Variants in EYS observed in about 807,000 individuals in gnomAD.
EYS encodes protein eyes shut homolog.
Under a neutral mutation model 282.1 loss-of-function variants are expected in EYS, and 250 were observed. That is an observed-to-expected ratio of 0.89 (90% confidence interval 0.80 to 0.98). The LOEUF (loss-of-function observed/expected upper bound fraction) is 0.98. Ranked by LOEUF, EYS falls within the 50% of genes least tolerant of loss-of-function variation. EYS has a pLI of 0.00. For synonymous variants in EYS, 1,355 were observed against 1,282.9 expected (o/e 1.06, Z -1.20); for missense variants, 4,016 against 3,709.0 (o/e 1.08, Z -2.15).
chr6:65,361,764 C>T (rs184734108), intron 8 of EYS, among the ~76,000 whole-genome samples: 21 of 152,208 alleles, frequency 1.4e-4, no homozygotes, highest in African/African-American at 4.1e-4. Context: ...TACAGGCATG[C>T]ACCACCATGC....
intron 2 of EYS, among the ~76,000 whole-genome samples, chr6:65,606,814 T>A (rs1765812204): frequency 6.6e-6 from 1 of 151,704 alleles, no homozygotes; most frequent in Non-Finnish European, 1.5e-5. Flanking sequence ...CAGACAGATA[T>A]AAGTAAAAAA....
rs376371827 is a variant in EYS, at chr6:65,444,518, G to T, written c.863-39151C>A. ...AGCGGAAAGGTCAGTCTTTGGAGAG[G>T]GTTGGATTGTAATCCTTTAAGGCAC... is the stretch of plus-strand genomic sequence containing the variant. On this transcript the variant is annotated intron_variant, in intron 5 of 42. Coordinates refer to ENST00000503581, the MANE Select transcript of EYS (RefSeq NM_001142800.2). Among the ~76,000 whole-genome samples, 118 of 152,118 alleles carry T rather than the reference G, an allele frequency of 7.8e-4. 1 individual carries two copies. The East Asian group carries it at 0.021, about 27-fold the overall frequency.
At chr6:64,155,564 G>A (rs746756556) in intron 31 of EYS, among the ~76,000 whole-genome samples, 2 of 152,062 alleles carry the variant, frequency 1.3e-5, no homozygotes, top group East Asian at 1.9e-4. Context: ...ACGTTGGTCT[G>A]ACAATATGTA....
chr6:64,274,481 G>GTTTTTTTTTT (rs10640761), intron 30 of EYS, among the ~76,000 whole-genome samples: 1,515 of 92,176 alleles, frequency 0.016, 159 homozygotes, highest in African/African-American at 0.069. Context: ...ACGCCTGGCC[G>GTTTTTTTTTT]TTTTTTTTTT....
intron 15 of EYS, among the ~76,000 whole-genome samples, chr6:64,928,677 A>C (rs1255424285): frequency 6.6e-6 from 1 of 152,124 alleles, no homozygotes; most frequent in Non-Finnish European, 1.5e-5. Flanking sequence ...AAACAAGCAA[A>C]ATCTATTCTT....
chr6:65,385,025 G>C (rs914948597), intron 7 of EYS, among the ~76,000 whole-genome samples: 1 of 151,814 alleles, frequency 6.6e-6, no homozygotes, highest in Non-Finnish European at 1.5e-5. Flanking sequence ...CCAGTCTACT[G>C]TATTTCATTA....
At chr6:64,212,949 G>T (rs1765825561) in intron 31 of EYS, among the ~76,000 whole-genome samples, 1 of 152,164 alleles carries the variant, frequency 6.6e-6, no homozygotes, top group South Asian at 2.1e-4. Flanking sequence ...ATGAGATCAT[G>T]TCCTTTGCAG....
chr6:65,341,928 C>A lies in EYS; in HGVS notation c.1599+2110G>T, dbSNP rs139969763. On this transcript the variant is annotated intron_variant, in intron 10 of 42. Coordinates refer to ENST00000503581, the MANE Select transcript of EYS (RefSeq NM_001142800.2). ...ATTCTAGGATGATTTTTCAGATAGT[C>A]GACATTTTACAATGAAAGGAAACGA... Among the ~76,000 whole-genome samples, 12 of 151,094 alleles carry A rather than the reference C, an allele frequency of 7.9e-5. No homozygotes were observed. In the East Asian group the frequency reaches 2.0e-3, roughly 25 times the overall value.
At chr6:63,936,129 T>C (rs1436303648) in intron 35 of EYS, among the ~76,000 whole-genome samples, 1 of 152,238 alleles carries the variant, frequency 6.6e-6, no homozygotes, top group Non-Finnish European at 1.5e-5. Flanking sequence ...TGCTCAGGAA[T>C]CTGCTTAGCT....
chr6:63,823,128 T>C (rs1413130175), intron 36 of EYS, among the ~76,000 whole-genome samples: 1 of 152,188 alleles, frequency 6.6e-6, no homozygotes, highest in African/African-American at 2.4e-5. Flanking sequence ...ATTCCTAACT[T>C]AGTAATAATA....
intron 30 of EYS, among the ~76,000 whole-genome samples, chr6:64,286,922 CTTTA>C (rs60568051): frequency 0.63 from 95,913 of 151,392 alleles, 30,908 homozygotes; most frequent in South Asian, 0.71. Flanking sequence ...ATTTTCTGTA[CTTTA>C]TTTAATAGTA....
chr6:63,984,579 C>T lies in EYS; in HGVS notation c.6859G>A (p.Gly2287Ser). 2 of 1,548,788 alleles carry T rather than the reference C, an allele frequency of 1.3e-6. No homozygotes were observed. The highest frequency in any genetic ancestry group is 1.7e-6 in the Non-Finnish European group (2 of 1,145,052). ...ATTTGAACATTTGCAGGAATATGGC[C>T]AAGGAACATTGATTCAAAATATGCC... ...SQAYFESMFL[G>S]HIPANVQIHK... is the part of the protein sequence containing the mutation. Residue 2287 changes from glycine (G) to serine (S), a missense_variant, in exon 35 of 43, where the codon GGC (glycine) becomes AGC (serine). Coordinates refer to ENST00000503581, the MANE Select transcript of EYS (RefSeq NM_001142800.2).
chr6:64,620,130 T>C, intron 23 of EYS, among the ~76,000 whole-genome samples: 1 of 152,134 alleles, frequency 6.6e-6, no homozygotes, highest in East Asian at 1.9e-4. Context: ...CTTACAAAAT[T>C]ATCAGAAGGA....
At chr6:65,357,740 C>T (rs1299107931) in intron 8 of EYS, among the ~76,000 whole-genome samples, 1 of 151,898 alleles carries the variant, frequency 6.6e-6, no homozygotes, top group Non-Finnish European at 1.5e-5. Context: ...TGATTTTTAA[C>T]TAAATCAACT....
chr6:63,826,617 C>G (rs563812980), intron 36 of EYS, among the ~76,000 whole-genome samples: 2 of 152,054 alleles, frequency 1.3e-5, no homozygotes, highest in Non-Finnish European at 2.9e-5. Flanking sequence ...CAATTATCAG[C>G]GAAGAATTTT....
intron 31 of EYS, among the ~76,000 whole-genome samples, chr6:64,114,519 AAAT>A (rs1489479930): frequency 7.9e-5 from 12 of 152,162 alleles, no homozygotes; most frequent in East Asian, 3.9e-4. Flanking sequence ...CAAAAACACT[AAAT>A]AATCGCATAG....
chr6:64,383,377 C>T lies in EYS; in HGVS notation c.6078+5313G>A, dbSNP rs78204190. On this transcript the variant is annotated intron_variant, in intron 29 of 42. Transcript: ENST00000503581. ...TTGTAAATTGAGAGTGATTCTTATA[C>T]GTGCAAGGAATGGGAAATAATTCTT... 9.9e-4 allele frequency among the ~76,000 whole-genome samples: 151 copies of T among 152,218 alleles called. No individual in the cohort carries two copies. The East Asian group carries it at 0.02, about 20-fold the overall frequency.
chr6:64,209,949 G>A (rs1765711832), intron 31 of EYS, among the ~76,000 whole-genome samples: 1 of 151,808 alleles, frequency 6.6e-6, no homozygotes, highest in Admixed American at 6.6e-5. Context: ...CTTCCTTTAT[G>A]GTATTTCTAC....
chr6:65,199,524 C>T (rs1322454571), intron 12 of EYS, among the ~76,000 whole-genome samples: 2 of 151,874 alleles, frequency 1.3e-5, no homozygotes, highest in South Asian at 2.1e-4. Context: ...TTTAAAGCAG[C>T]GTATAATTTA....
Sources: gnomAD v4.1 joint callset for allele counts (sites outside exome capture counted in the v4.1 genomes callset) on GRCh38, gnomAD v4.1.1 for gene constraint, MANE v1.5 for transcripts, NCBI Gene and HGNC (gene_info 2026-07-23, HGNC 2026-07-21) for gene names.